RRN3: variants seen among roughly 807,000 people sequenced by gnomAD.
The protein encoded by RRN3 is RNA polymerase I-specific transcription initiation factor RRN3.
A neutral mutation model predicts 82.3 loss-of-function variants in RRN3; 38 were observed. That is an observed-to-expected ratio of 0.46 (90% CI 0.36 to 0.61). The LOEUF (loss-of-function observed/expected upper bound fraction) is 0.61, where lower values mean the gene tolerates loss of function less well. Ranked by LOEUF, RRN3 falls within the 20% of genes least tolerant of loss-of-function variation. The probability of loss-of-function intolerance (pLI) is 0.00; values close to 1 mark genes in which losing one functional copy is unlikely to be tolerated. For missense variants in RRN3, 726 were observed against 793.1 expected, an observed-to-expected ratio of 0.92 and a Z score of 1.02; for synonymous variants, 284 against 284.3, an observed-to-expected ratio of 1.00 and a Z score of 0.01.
rs757775613 is a variant in RRN3 at position 15,061,726 on chromosome 16, A to G, written c.*18T>C. Reference sequence around the variant, plus strand: ...TGGGGAATCCCAAATGTCACATCTCAGTCACAAATTTCTGCCGTCAGAGGG... The same window carrying G: ...TGGGGAATCCCAAATGTCACATCTCGGTCACAAATTTCTGCCGTCAGAGGG... On this transcript the variant is annotated 3_prime_UTR_variant, in exon 18 of 18. Transcript: ENST00000198767. The G allele has an allele frequency of 5.6e-6, 9 of 1,599,258 alleles. No homozygotes were observed. Among genetic ancestry groups the G allele is most frequent in the Non-Finnish European group, 7.7e-6 (9 of 1,167,910 alleles).
At position 15,079,824 on chromosome 16, in the gene RRN3, T is replaced by C. The variant is rs544968573; in HGVS notation, c.765+174A>G. On this transcript the variant is annotated intron_variant, in intron 9 of 17. Transcript: ENST00000198767. ...GTTGGCCAGGCTGGTCTCGAACTCC[T>C]GACCTCAGGTGATCTGCCTGCCTCG... is the stretch of plus-strand genomic sequence containing the variant. Among the ~76,000 whole-genome samples the C allele has an allele frequency of 4.6e-5, 7 of 152,336 alleles. No individual in the cohort carries two copies. In the East Asian group the frequency reaches 1.2e-3, roughly 25 times the overall value.
chr16:15,094,281 C>A (rs528569196), upstream of RRN3: 4 of 1,431,450 alleles, frequency 2.8e-6, no homozygotes, highest in Admixed American at 8.1e-5. Flanking sequence ...ATGCCCAGCT[C>A]CTTCCAGCCA....
rs1184308575 is a variant in RRN3 at position 15,090,838 on chromosome 16, G to GT, written c.252+476dup. The stretch of plus-strand genomic sequence containing the variant: ...ATTCAGCTTTTACTACATGATAGGT[G>GT]TATCTCGAACCTGGAAATGCTGAAT... On this transcript the variant is annotated intron_variant, in intron 3 of 17. Transcript: ENST00000198767. Among the ~76,000 whole-genome samples the GT allele has an allele frequency of 2.7e-5, 4 of 149,248 alleles. No individual in the cohort carries two copies. The East Asian group carries it at 5.9e-4, about 22-fold the overall frequency.
In RRN3 at chr16:15,086,060, T is replaced by C. The variant is rs1177381292; in HGVS notation, c.472+69A>G. The C allele has an allele frequency of 2.0e-5, 28 of 1,426,048 alleles. No individual in the cohort carries two copies. In the East Asian group the frequency reaches 6.7e-4, roughly 34 times the overall value. The allele number at this position is 1,426,048 out of a possible 1,614,324, so 88.3% of individuals were successfully genotyped here. A position where few individuals can be genotyped will look rare whatever the true frequency, so the allele number is the denominator to read the frequency against. ...TCTTCCATGGTAGCAGTCTCTCATATATAAGGGGAAGGTAGTATTTTAATA... is the reference window on the plus strand; with the variant it reads ...TCTTCCATGGTAGCAGTCTCTCATACATAAGGGGAAGGTAGTATTTTAATA... On this transcript the variant is annotated intron_variant, in intron 5 of 17. Transcript: ENST00000198767.
intron 8 of RRN3, among the ~76,000 whole-genome samples, chr16:15,081,924 T>A (rs532147667): frequency 7.5e-4 from 114 of 152,322 alleles, no homozygotes; most frequent in African/African-American, 2.5e-3. Flanking sequence ...TCTCCCCTAT[T>A]CAATTGTCTT....
intron 17 of RRN3, 135 bp from the exon 18 acceptor site, chr16:15,062,040 G>T: frequency 1.1e-6 from 1 of 903,414 alleles, no homozygotes; most frequent in Non-Finnish European, 1.7e-6. Flanking sequence ...GAAAGCCAGT[G>T]TAGTGGCACA....
chr16:15,079,326 G>A (rs1201671181), intron 9 of RRN3, among the ~76,000 whole-genome samples: 2 of 152,100 alleles, frequency 1.3e-5, no homozygotes, highest in African/African-American at 4.8e-5. Context: ...AGTTTTAACT[G>A]TTTATAATTA....
intron 12 of RRN3, among the ~76,000 whole-genome samples, chr16:15,072,126 C>T (rs1743910662): frequency 1.3e-5 from 2 of 152,022 alleles, no homozygotes; most frequent in Non-Finnish European, 2.9e-5. Context: ...TAAAGCTAGG[C>T]ACACCCATGT....
chr16:15,077,667 C>T (rs2045520613), intron 9 of RRN3, among the ~76,000 whole-genome samples: 1 of 152,146 alleles, frequency 6.6e-6, no homozygotes, highest in Non-Finnish European at 1.5e-5. Context: ...CGGTGAAACC[C>T]CATCTCTACT....
At chr16:15,084,465 A>G (rs1459470518) in intron 7 of RRN3, among the ~76,000 whole-genome samples, 177 bp downstream of exon 7, 4 of 152,238 alleles carry the variant, frequency 2.6e-5, no homozygotes, top group Non-Finnish European at 5.9e-5. Context: ...ATTAAAGAGA[A>G]TAAATAGAAA....
rs1597877343 is a variant in RRN3, at chr16:15,065,198, T to C, written c.1706+21A>G. On this transcript the variant is annotated intron_variant, in intron 16 of 17. Transcript: ENST00000198767. ...AAAAAAAAATCCACCTCCTCCAGCG[T>C]CAATGTTTAAAAGTACCTACCTCTT... 4 of 1,561,488 alleles carry C rather than the reference T, an allele frequency of 2.6e-6. No individual in the cohort carries two copies. In the East Asian group the frequency reaches 6.8e-5, roughly 26 times the overall value.
chr16:15,087,494 A>C (rs1480013478), intron 3 of RRN3, among the ~76,000 whole-genome samples: 4 of 152,318 alleles, frequency 2.6e-5, no homozygotes, highest in Non-Finnish European at 4.4e-5. Flanking sequence ...TGCGGAGAAG[A>C]AGCTGTCCCC....
rs527370780 is a variant in RRN3 at position 15,092,509 on chromosome 16, C to A, written c.195G>T (p.Lys65Asn). 4 of 1,603,106 alleles carry A rather than the reference C, an allele frequency of 2.5e-6. No individual in the cohort carries two copies. In the South Asian group the frequency reaches 4.4e-5, roughly 18 times the overall value. ...TVTEVLLKYK[K>N]GETNDFELLK... The stretch of plus-strand genomic sequence containing the variant: ...AACCTCACACATTATCTCCCCTTAC[C>A]TTTTTGTACTTCAGCAAGACTTCTG... Residue 65 changes from lysine to asparagine, a missense_variant and splice_region_variant, in exon 2 of 18, where the codon AAG (lysine) becomes AAT (asparagine). Lys to Asn is a moderately conservative substitution (Grantham distance 94). Transcript: ENST00000198767.
chr16:15,075,385 C>A (rs1384918402), intron 10 of RRN3, among the ~76,000 whole-genome samples: 2 of 151,992 alleles, frequency 1.3e-5, no homozygotes, highest in African/African-American at 4.8e-5. Context: ...CCAGCCTGGG[C>A]AACACAGTGA....
Position 15,063,204 on chromosome 16 carries a change from T to C in RRN3, c.1786A>G (p.Met596Val), listed in dbSNP as rs1461441050. 35 of 1,606,070 alleles carry C rather than the reference T, an allele frequency of 2.2e-5. No individual in the cohort carries two copies. Among genetic ancestry groups the C allele is most frequent in the Non-Finnish European group, 2.8e-5 (33 of 1,172,746 alleles). Reference protein sequence around the residue: ...AEELQEFKKPMKKDIVEDEDD... With the variant: ...AEELQEFKKPVKKDIVEDEDD... ...ATCAATCACAAACTGACCTTTTTCA[T>C]GGGTTTCTTGAACTCCTGTAGCTCT... Residue 596 changes from methionine (M) to valine (V), a missense_variant, in exon 17 of 18, where the codon ATG (methionine) becomes GTG (valine). Met to Val is a conservative substitution (Grantham distance 21, BLOSUM62 1). Coordinates refer to ENST00000198767, the MANE Select transcript of RRN3 (RefSeq NM_018427.5).
Position 15,074,801 on chromosome 16 carries a change from C to T in RRN3, c.919G>A (p.Val307Met). The T allele has an allele frequency of 3.7e-6, 6 of 1,614,040 alleles. No homozygotes were observed. Among genetic ancestry groups the T allele is most frequent in the African/African-American group, 1.3e-5 (1 of 75,026 alleles). ...KAGPERLDQM[V>M]HPVAERLDIL... ...TCCAGGCGCTCGGCTACAGGATGCA[C>T]CATCTGGTCGAGCCGTTCAGGACCA... Residue 307 changes from valine (V) to methionine (M), a missense_variant, in exon 11 of 18, where the codon GTG becomes ATG. Physicochemically the swap from Val to Met is conservative, Grantham distance 21. Transcript: ENST00000198767.
chr16:15,063,704 CAAAA>C (rs10664930), intron 16 of RRN3, among the ~76,000 whole-genome samples: 2 of 89,128 alleles, frequency 2.2e-5, no homozygotes, highest in African/African-American at 1.0e-4. Context: ...GACTCTGTCT[CAAAA>C]AAAAAAAAAA....
chr16:15,063,335 C>G (rs1414888281), intron 16 of RRN3, 52 bp from the exon 17 acceptor site: 1 of 1,381,948 alleles, frequency 7.2e-7, no homozygotes, highest in Admixed American at 1.7e-5. Flanking sequence ...CGGCAGAAGT[C>G]AAAATTGGTT....
chr16:15,064,800 A>T (rs1284404882), intron 16 of RRN3, among the ~76,000 whole-genome samples: 1 of 152,222 alleles, frequency 6.6e-6, no homozygotes, highest in South Asian at 2.1e-4. Flanking sequence ...GCTCATCAAC[A>T]GCGAGGAAGG....
Sources: gnomAD v4.1 joint callset for allele counts (sites outside exome capture counted in the v4.1 genomes callset) on GRCh38, gnomAD v4.1.1 for gene constraint, MANE v1.5 for transcripts, NCBI Gene and HGNC (gene_info 2026-07-23, HGNC 2026-07-21) for gene names.